The following ITGB6 variants were observed in gnomAD, a reference collection of about 807,000 sequenced individuals.
The protein encoded by ITGB6 is integrin beta-6.
A neutral mutation model predicts 84.5 loss-of-function variants in ITGB6; 80 were observed. That is an observed-to-expected ratio of 0.95 (90% CI 0.79 to 1.14). ITGB6 has a LOEUF of 1.14. ITGB6 is among the 50% of genes most tolerant of loss of function. The pLI is 0.00. For synonymous variants in ITGB6, 383 were observed against 354.9 expected, an observed-to-expected ratio of 1.08 and a Z score of -0.89; for missense variants, 1,006 against 968.0, an observed-to-expected ratio of 1.04 and a Z score of -0.52.
At chr2:160,126,704 A>C in intron 10 of ITGB6, 103 bp from the exon 11 acceptor site, 1 of 1,079,754 alleles carries the variant, frequency 9.3e-7, no homozygotes, top group Non-Finnish European at 1.4e-6. Flanking sequence ...CCGTCATCAA[A>C]AGACAAGAAA....
chr2:160,189,687 T>C (rs922119534), intron 4 of ITGB6, among the ~76,000 whole-genome samples: 2 of 151,786 alleles, frequency 1.3e-5, no homozygotes. Context: ...TGGCGATCAT[T>C]AAAAAGTCAG....
intron 10 of ITGB6, among the ~76,000 whole-genome samples, chr2:160,129,252 A>G (rs1347383344): frequency 6.6e-6 from 1 of 152,126 alleles, no homozygotes; most frequent in African/African-American, 2.4e-5. Flanking sequence ...TGATTTTAAA[A>G]GTGTTTAAAA....
At chr2:160,137,095 A>C (rs1683767514) in intron 10 of ITGB6, among the ~76,000 whole-genome samples, 1 of 151,976 alleles carries the variant, frequency 6.6e-6, no homozygotes, top group South Asian at 2.1e-4. Flanking sequence ...AGTCAGACAC[A>C]GCTGCTTGGT....
At chr2:160,165,436 T>C (rs1684967301) in intron 7 of ITGB6, among the ~76,000 whole-genome samples, 3 of 152,186 alleles carry the variant, frequency 2.0e-5, no homozygotes, top group Non-Finnish European at 2.9e-5. Context: ...AGGAACATTA[T>C]AAAACAAAAC....
At chr2:160,164,125 A>G (rs2105856500) in intron 7 of ITGB6, among the ~76,000 whole-genome samples, 1 of 152,242 alleles carries the variant, frequency 6.6e-6, no homozygotes, top group Admixed American at 6.5e-5. Flanking sequence ...CCAGAACACA[A>G]CTCTAAAATG....
chr2:160,174,782 T>C (rs1685351567), intron 4 of ITGB6, among the ~76,000 whole-genome samples: 1 of 152,350 alleles, frequency 6.6e-6, no homozygotes, highest in South Asian at 2.1e-4. Flanking sequence ...ACATCTTATT[T>C]TGAAAGCAAG....
At chr2:160,175,985 G>A (rs1235118963) in intron 4 of ITGB6, among the ~76,000 whole-genome samples, 2 of 152,172 alleles carry the variant, frequency 1.3e-5, no homozygotes, top group East Asian at 1.9e-4. Flanking sequence ...TTCACACTGA[G>A]TAAGGATGCT....
At chr2:160,176,983 T>G (rs182360281) in intron 4 of ITGB6, among the ~76,000 whole-genome samples, 1 of 152,326 alleles carries the variant, frequency 6.6e-6, no homozygotes, top group East Asian at 1.9e-4. Flanking sequence ...TTAAAATAAA[T>G]TTTTTGATTG....
At chr2:160,137,059 A>C (rs1292271901) in intron 10 of ITGB6, among the ~76,000 whole-genome samples, 1 of 85,998 alleles carries the variant, frequency 1.2e-5, no homozygotes, top group Non-Finnish European at 2.7e-5. Flanking sequence ...AAATAAAAAA[A>C]AAAAGAAAAA....
At chr2:160,153,056 A>C (rs1684489355) in intron 7 of ITGB6, among the ~76,000 whole-genome samples, 1 of 152,218 alleles carries the variant, frequency 6.6e-6, no homozygotes, top group African/African-American at 2.4e-5. Flanking sequence ...TAAGCTACCA[A>C]TGACTTTCTT....
At chr2:160,116,693 G>T (rs1326138640) in intron 12 of ITGB6, among the ~76,000 whole-genome samples, 1 of 152,210 alleles carries the variant, frequency 6.6e-6, no homozygotes, top group Admixed American at 6.5e-5. Context: ...TGGGCTAAAT[G>T]CTCCAATTAA....
intron 12 of ITGB6, among the ~76,000 whole-genome samples, chr2:160,121,505 C>T (rs943440629): frequency 6.6e-6 from 1 of 152,222 alleles, no homozygotes; most frequent in Non-Finnish European, 1.5e-5. Context: ...GACTCTCAAG[C>T]TGGGCACTGT....
chr2:160,191,215 G>A (rs1686128388), intron 4 of ITGB6, among the ~76,000 whole-genome samples: 1 of 152,102 alleles, frequency 6.6e-6, no homozygotes, highest in Non-Finnish European at 1.5e-5. Flanking sequence ...ATTTTTGAGG[G>A]TATAAGTCTT....
chr2:160,144,903 A>G (rs1163092195), intron 7 of ITGB6, among the ~76,000 whole-genome samples: 2 of 152,226 alleles, frequency 1.3e-5, no homozygotes. Context: ...GTTAACACTG[A>G]CAATTGCACA....
intron 7 of ITGB6, among the ~76,000 whole-genome samples, chr2:160,155,054 C>T (rs56388072): frequency 0.021 from 3,253 of 152,272 alleles, 45 homozygotes; most frequent in Middle Eastern, 0.058. Context: ...TCCTTCTCCG[C>T]GCCTGCTTTT....
rs374269765 is a variant in ITGB6, at chr2:160,169,335, C to G, written c.922-28G>C. ...AAAATTAACATATATAATTTTGCAT[C>G]ATCTCAATAAAATAATGTAAATAAA... On this transcript the variant is annotated intron_variant, in intron 6 of 14. Coordinates refer to ENST00000283249, the MANE Select transcript of ITGB6 (RefSeq NM_000888.5). 21 of 1,231,320 alleles carry G rather than the reference C, an allele frequency of 1.7e-5. No individual in the cohort carries two copies. In the African/African-American group the frequency reaches 3.0e-4, roughly 18 times the overall value. 76.3% of individuals were successfully genotyped at this position (1,231,320 alleles called of 1,614,324 possible). A position where few individuals can be genotyped will look rare whatever the true frequency, so the allele number is the denominator to read the frequency against.
At chr2:160,109,524 G>T (rs142116322) in intron 13 of ITGB6, among the ~76,000 whole-genome samples, 1 of 152,278 alleles carries the variant, frequency 6.6e-6, no homozygotes, top group African/African-American at 2.4e-5. Flanking sequence ...AAATGGGTGC[G>T]GTCTGGCAGA....
intron 4 of ITGB6, among the ~76,000 whole-genome samples, chr2:160,188,846 C>T (rs557911061): frequency 4.0e-4 from 61 of 152,150 alleles, no homozygotes; most frequent in African/African-American, 1.4e-3. Context: ...ACTCATGATT[C>T]ACCCACCTAA....
chr2:160,138,750 C>T (rs560217216), intron 8 of ITGB6, among the ~76,000 whole-genome samples: 2 of 152,262 alleles, frequency 1.3e-5, no homozygotes, highest in African/African-American at 2.4e-5. Flanking sequence ...AAATTTACAC[C>T]CTGCTGCTCT....
Sources: allele counts gnomAD v4.1 joint callset (sites outside exome capture counted in the v4.1 genomes callset), GRCh38; gene constraint gnomAD v4.1.1; transcripts MANE v1.5; gene names NCBI Gene and HGNC (gene_info 2026-07-23, HGNC 2026-07-21).